The following CCDC178 variants were observed in gnomAD, a reference collection of about 807,000 sequenced individuals.
The protein encoded by CCDC178 is coiled-coil domain-containing protein 178.
A neutral mutation model predicts 117.4 loss-of-function variants in CCDC178; 126 were observed. The ratio of observed to expected loss-of-function variants is 1.07; its 90% CI spans 0.93 to 1.24. CCDC178 has a LOEUF of 1.24. Among genes scored for constraint, CCDC178 ranks in the 50% most tolerant of loss-of-function variants. The pLI is 0.00. For missense variants in CCDC178, 1,030 were observed against 986.9 expected (o/e 1.04, Z -0.59); for synonymous variants, 283 against 313.4 (o/e 0.90, Z 1.02).
chr18:33,107,193 T>C (rs1254387718), intron 20 of CCDC178, among the ~76,000 whole-genome samples: 1 of 151,618 alleles, frequency 6.6e-6, no homozygotes, highest in Non-Finnish European at 1.5e-5. Flanking sequence ...AATATAAAAC[T>C]AATGTGGCAA....
chr18:33,390,674 G>T (rs2063552018), intron 4 of CCDC178, among the ~76,000 whole-genome samples: 1 of 151,990 alleles, frequency 6.6e-6, no homozygotes, highest in Admixed American at 6.6e-5. Context: ...GTTGCCTATA[G>T]TAGGTGAGGA....
intron 20 of CCDC178, among the ~76,000 whole-genome samples, chr18:33,176,303 T>C (rs1241263000): frequency 6.6e-6 from 1 of 152,234 alleles, no homozygotes; most frequent in Non-Finnish European, 1.5e-5. Flanking sequence ...CATAGCTCTG[T>C]AACCCCCTGA....
intron 15 of CCDC178, among the ~76,000 whole-genome samples, chr18:33,227,645 C>G (rs1386661524): frequency 3.3e-5 from 5 of 150,392 alleles, no homozygotes; most frequent in Non-Finnish European, 7.4e-5. Flanking sequence ...GTCTCTGATA[C>G]CCCTACTTCA....
At chr18:33,306,549 TTA>T (rs1325708681) in intron 11 of CCDC178, among the ~76,000 whole-genome samples, 16 of 133,542 alleles carry the variant, frequency 1.2e-4, no homozygotes, top group South Asian at 2.4e-4. Context: ...TAATATATGG[TTA>T]TATATATATG....
At chr18:33,266,843 C>T in intron 14 of CCDC178, 73 bp downstream of exon 14, 1 of 1,321,882 alleles carries the variant, frequency 7.6e-7, no homozygotes, top group Non-Finnish European at 1.0e-6. Flanking sequence ...TCCAGGGACA[C>T]AAACTGGAGA....
chr18:33,277,223 A>G (rs2059961757), intron 12 of CCDC178, among the ~76,000 whole-genome samples: 1 of 152,180 alleles, frequency 6.6e-6, no homozygotes, highest in African/African-American at 2.4e-5. Context: ...AATGATGAGT[A>G]ACATAAATAA....
chr18:33,395,626 G>A (rs1014560984), intron 4 of CCDC178, among the ~76,000 whole-genome samples: 3 of 152,064 alleles, frequency 2.0e-5, no homozygotes, highest in African/African-American at 7.2e-5. Flanking sequence ...CTCTATGCTT[G>A]AATTTGTTTT....
intron 15 of CCDC178, among the ~76,000 whole-genome samples, chr18:33,244,966 G>C (rs965876680): frequency 2.0e-5 from 3 of 151,928 alleles, no homozygotes; most frequent in African/African-American, 7.2e-5. Context: ...ATAGGATAAA[G>C]ATGAACTGAG....
intron 20 of CCDC178, among the ~76,000 whole-genome samples, chr18:33,211,673 T>C (rs952303300): frequency 1.3e-5 from 2 of 151,906 alleles, no homozygotes; most frequent in African/African-American, 2.4e-5. Flanking sequence ...CGATAATAAA[T>C]GAGAGTACAC....
At chr18:32,963,198 T>C (rs2054743407) in intron 22 of CCDC178, among the ~76,000 whole-genome samples, 1 of 152,062 alleles carries the variant, frequency 6.6e-6, no homozygotes, top group South Asian at 2.1e-4. Flanking sequence ...AAATGCTGCA[T>C]TAAATAAAAA....
chr18:33,073,101 T>G (rs1287231941), intron 21 of CCDC178, among the ~76,000 whole-genome samples: 1 of 151,842 alleles, frequency 6.6e-6, no homozygotes, highest in African/African-American at 2.4e-5. Flanking sequence ...CCTTATTAAT[T>G]TTTTCTTTTT....
At chr18:33,341,307 A>G (rs1184460861) in intron 9 of CCDC178, among the ~76,000 whole-genome samples, 1 of 152,178 alleles carries the variant, frequency 6.6e-6, no homozygotes, top group Non-Finnish European at 1.5e-5. Context: ...CTAGGAAGTA[A>G]CTAGCTTGCT....
chr18:33,220,750 C>G lies in CCDC178; in HGVS notation c.1932+2356G>C, dbSNP rs568227807. On this transcript the variant is annotated intron_variant, in intron 18 of 22. Coordinates refer to ENST00000383096, the MANE Select transcript of CCDC178 (RefSeq NM_001105528.4). ...AATTAATGAAGTTCATAAGAGGTAG[C>G]TGACCTACCTGACTTCTACTGATAA... Among the ~76,000 whole-genome samples the G allele has an allele frequency of 3.3e-5, 5 of 152,180 alleles. No individual in the cohort carries two copies. In the South Asian group the frequency reaches 6.2e-4, roughly 19 times the overall value.
chr18:33,148,745 T>C (rs1438308573), intron 20 of CCDC178, among the ~76,000 whole-genome samples: 1 of 152,198 alleles, frequency 6.6e-6, no homozygotes, highest in Non-Finnish European at 1.5e-5. Flanking sequence ...GATTATAGTA[T>C]AATATGCAGA....
At chr18:32,942,390 A>T (rs2054258310) in intron 22 of CCDC178, among the ~76,000 whole-genome samples, 1 of 152,146 alleles carries the variant, frequency 6.6e-6, no homozygotes, top group African/African-American at 2.4e-5. Context: ...AATCACTGTA[A>T]ATCTTCTTTT....
chr18:33,389,772 T>C (rs904712366), intron 4 of CCDC178, 143 bp from the exon 5 acceptor site: 28 of 411,150 alleles, frequency 6.8e-5, no homozygotes, highest in African/African-American at 5.0e-4. Context: ...TTAATCAAAA[T>C]CCACAGTAGA....
At chr18:33,432,887 T>C (rs544593563) in intron 2 of CCDC178, among the ~76,000 whole-genome samples, 10 of 152,358 alleles carry the variant, frequency 6.6e-5, no homozygotes, top group African/African-American at 2.2e-4. Flanking sequence ...ATTAATGTGG[T>C]ATTAAGGCAT....
chr18:33,335,806 AT>A lies in CCDC178; in HGVS notation c.659-2413del, dbSNP rs566494323. 2.3e-3 allele frequency among the ~76,000 whole-genome samples: 357 copies of A among 152,188 alleles called. 1 individual carries two copies. Among genetic ancestry groups the A allele is most frequent in the African/African-American group, 8.3e-3 (343 of 41,558 alleles). Reference sequence around the variant, plus strand: ...TTTATAATCTCAGATATAATCCTATATCTGACACATTTTGAGTAAAATTATG... The same window carrying A: ...TTTATAATCTCAGATATAATCCTATACTGACACATTTTGAGTAAAATTATG... On this transcript the variant is annotated intron_variant, in intron 9 of 22. Transcript: ENST00000383096.
At chr18:33,321,242 A>ATG (rs1456186914) in intron 11 of CCDC178, among the ~76,000 whole-genome samples, 21 of 152,190 alleles carry the variant, frequency 1.4e-4, no homozygotes, top group Admixed American at 1.3e-3. Flanking sequence ...GACAAATGGG[A>ATG]TGTAATTAAA....
Sources: gnomAD v4.1 joint callset for allele counts (sites outside exome capture counted in the v4.1 genomes callset) on GRCh38, gnomAD v4.1.1 for gene constraint, MANE v1.5 for transcripts, NCBI Gene and HGNC (gene_info 2026-07-23, HGNC 2026-07-21) for gene names.